EXD1: variants seen among roughly 807,000 people sequenced by gnomAD.
EXD1 encodes piRNA biogenesis protein EXD1.
In EXD1, 63 loss-of-function variants were observed where a neutral mutation model predicts 49.1. The ratio of observed to expected loss-of-function variants is 1.28; its 90% CI spans 1.05 to 1.58. The LOEUF (loss-of-function observed/expected upper bound fraction) is 1.58. Among genes scored for constraint, EXD1 ranks in the 40% most tolerant of loss-of-function variants. The pLI is 0.00. For synonymous variants in EXD1, 234 were observed against 239.2 expected (o/e 0.98, Z 0.20); for missense variants, 748 against 666.0 (o/e 1.12, Z -1.36).
intron 7 of EXD1, among the ~76,000 whole-genome samples, chr15:41,200,187 T>C (rs1014934350): frequency 6.6e-6 from 1 of 151,956 alleles, no homozygotes; most frequent in African/African-American, 2.4e-5. Context: ...TAGAAGTACA[T>C]GTGTGAGCCA....
Position 41,216,663 on chromosome 15 carries a change from T to C in EXD1, c.388+5A>G. 6.2e-7 allele frequency: 1 copy of C among 1,604,658 alleles called. No individual in the cohort carries two copies. Among genetic ancestry groups the C allele is most frequent in the Middle Eastern group, 2.0e-4 (1 of 4,892 alleles). On this transcript the variant is annotated splice_donor_5th_base_variant and intron_variant, in intron 5 of 11. Transcript: ENST00000458580. ...AAAAAGAAAATTCAGAGCCCCTATATTCACCTGATGGGCTGTACTTGAGGT... is the reference window on the plus strand; with the variant it reads ...AAAAAGAAAATTCAGAGCCCCTATACTCACCTGATGGGCTGTACTTGAGGT...
At chr15:41,208,424 T>A (rs2046869272) in intron 7 of EXD1, among the ~76,000 whole-genome samples, 1 of 139,652 alleles carries the variant, frequency 7.2e-6, no homozygotes, top group Admixed American at 7.3e-5. Flanking sequence ...AAGCTATCCA[T>A]CCTCTAGCTA....
At chr15:41,202,274 A>G (rs2046745373) in intron 7 of EXD1, among the ~76,000 whole-genome samples, 1 of 151,812 alleles carries the variant, frequency 6.6e-6, no homozygotes, top group South Asian at 2.1e-4. Flanking sequence ...TCCCGGGTTC[A>G]AGTAATTCTC....
At chr15:41,193,101 A>G (rs2046555020) in intron 9 of EXD1, among the ~76,000 whole-genome samples, 1 of 151,884 alleles carries the variant, frequency 6.6e-6, no homozygotes, top group African/African-American at 2.4e-5. Flanking sequence ...ATTTTTTTGT[A>G]GAGACAGTGT....
chr15:41,190,136 CAA>C lies in EXD1; in HGVS notation c.865-10_865-9del. Reference sequence around the variant, plus strand: ...CCATACTTCTGGATTTTCCTGGAGACAATAAAACAATTTCCTCTGAACAGTAA... The same window carrying C: ...CCATACTTCTGGATTTTCCTGGAGACTAAAACAATTTCCTCTGAACAGTAA... On this transcript the variant is annotated splice_polypyrimidine_tract_variant and intron_variant, in intron 10 of 11. Coordinates refer to ENST00000458580, the MANE Select transcript of EXD1 (RefSeq NM_001286441.2). 1.2e-6 allele frequency: 2 copies of C among 1,613,770 alleles called. No individual in the cohort carries two copies. The highest frequency in any genetic ancestry group is 1.7e-6 in the Non-Finnish European group (2 of 1,179,834).
At position 41,215,851 on chromosome 15, in the gene EXD1, C is replaced by T. The variant is rs771456397; in HGVS notation, c.389-18G>A. 1.2e-6 allele frequency: 2 copies of T among 1,611,480 alleles called. No individual in the cohort carries two copies. Among genetic ancestry groups the T allele is most frequent in the Non-Finnish European group, 8.5e-7 (1 of 1,177,944 alleles). Reference sequence around the variant, plus strand: ...CTCTTCCTCTACAAGACAAGGATTGCATTAGATATATTTCTCTTCCTCAGC... The same window carrying T: ...CTCTTCCTCTACAAGACAAGGATTGTATTAGATATATTTCTCTTCCTCAGC... On this transcript the variant is annotated intron_variant, in intron 5 of 11. Coordinates refer to ENST00000458580, the MANE Select transcript of EXD1 (RefSeq NM_001286441.2).
At chr15:41,194,466 A>C (rs529173564) in intron 9 of EXD1, among the ~76,000 whole-genome samples, 1 of 152,308 alleles carries the variant, frequency 6.6e-6, no homozygotes, top group African/African-American at 2.4e-5. Flanking sequence ...CTAGAAGCTG[A>C]AAAAGGCAAG....
chr15:41,204,655 C>T (rs1474288079), intron 7 of EXD1, among the ~76,000 whole-genome samples: 1 of 151,816 alleles, frequency 6.6e-6, no homozygotes, highest in Non-Finnish European at 1.5e-5. Flanking sequence ...CTCTTGAGCC[C>T]GGGAGTTCAA....
chr15:41,190,575 A>C (rs2046497655), intron 10 of EXD1, among the ~76,000 whole-genome samples: 1 of 152,206 alleles, frequency 6.6e-6, no homozygotes, highest in Admixed American at 6.6e-5. Flanking sequence ...CTATTTTCAC[A>C]CTATTGATAG....
At chr15:41,216,188 C>T (rs2046996360) in intron 5 of EXD1, among the ~76,000 whole-genome samples, 1 of 151,994 alleles carries the variant, frequency 6.6e-6, no homozygotes, top group South Asian at 2.1e-4. Flanking sequence ...AATATTTTAT[C>T]TTAATTCAGA....
chr15:41,190,603 G>A (rs939277481), intron 10 of EXD1, among the ~76,000 whole-genome samples: 5 of 152,070 alleles, frequency 3.3e-5, no homozygotes, highest in Non-Finnish European at 7.4e-5. Flanking sequence ...GCATACACAT[G>A]CTTGCACACA....
At chr15:41,218,743 G>A (rs1207605037) in intron 3 of EXD1, among the ~76,000 whole-genome samples, 1 of 152,082 alleles carries the variant, frequency 6.6e-6, no homozygotes, top group Non-Finnish European at 1.5e-5. Context: ...TACTATCCCT[G>A]CCATTATAAA....
rs760005212 is a variant in EXD1, at chr15:41,191,428, T to C, written c.864+14A>G. 1.4e-6 allele frequency: 2 copies of C among 1,448,300 alleles called. No homozygotes were observed. Among genetic ancestry groups the C allele is most frequent in the African/African-American group, 2.6e-5 (1 of 39,134 alleles). 89.7% of individuals were successfully genotyped at this position (1,448,300 alleles called of 1,614,324 possible). ...AAAAAAAATAATGTCATACAGGACA[T>C]CCTTTACACCCACCTGAATTAGTTT... On this transcript the variant is annotated intron_variant, in intron 10 of 11. Coordinates refer to ENST00000458580, the MANE Select transcript of EXD1 (RefSeq NM_001286441.2).
intron 3 of EXD1, among the ~76,000 whole-genome samples, chr15:41,217,373 G>T (rs900262493): frequency 1.3e-5 from 2 of 152,088 alleles, no homozygotes; most frequent in Admixed American, 6.6e-5. Context: ...AAGCTTCTTG[G>T]TTATTTAGAA....
At chr15:41,227,146 T>G (rs1179516631) in intron 1 of EXD1, among the ~76,000 whole-genome samples, 2 of 152,202 alleles carry the variant, frequency 1.3e-5, no homozygotes, top group Non-Finnish European at 2.9e-5. Flanking sequence ...AATTTACCCT[T>G]TACTTAGGAA....
chr15:41,221,558 A>G (rs2047089104), intron 2 of EXD1, among the ~76,000 whole-genome samples: 1 of 151,762 alleles, frequency 6.6e-6, no homozygotes, highest in Non-Finnish European at 1.5e-5. Context: ...TACAGGTGTG[A>G]GCCACCCTGC....
chr15:41,191,699 G>A lies in EXD1; in HGVS notation c.721-114C>T, dbSNP rs183852185. Reference sequence around the variant, plus strand: ...TAACATTTTCCCCAAGGACCCACACGATAGACCATGTCATCGGAAAATTTA... The same window carrying A: ...TAACATTTTCCCCAAGGACCCACACAATAGACCATGTCATCGGAAAATTTA... On this transcript the variant is annotated intron_variant, in intron 9 of 11. Transcript: ENST00000458580. 5.6e-3 allele frequency: 5,133 copies of A among 918,206 alleles called. 16 individuals carry two copies. The highest frequency in any genetic ancestry group is 7.2e-3 in the Non-Finnish European group (4,589 of 635,964). The allele number at this position is 918,206 out of a possible 1,614,324, so 56.9% of individuals were successfully genotyped here. A position where few individuals can be genotyped will look rare whatever the true frequency, so the allele number is the denominator to read the frequency against.
chr15:41,200,768 G>C (rs2046716040), intron 7 of EXD1, among the ~76,000 whole-genome samples: 1 of 152,118 alleles, frequency 6.6e-6, no homozygotes, highest in Non-Finnish European at 1.5e-5. Context: ...AACAGTCTCA[G>C]AATTGAATTG....
chr15:41,215,496 C>T (rs2046986031), intron 6 of EXD1, among the ~76,000 whole-genome samples: 1 of 152,024 alleles, frequency 6.6e-6, no homozygotes, highest in Non-Finnish European at 1.5e-5. Flanking sequence ...ACCATCCTGG[C>T]TAACACGGTG....
Sources: gnomAD v4.1 joint callset for allele counts (sites outside exome capture counted in the v4.1 genomes callset) on GRCh38, gnomAD v4.1.1 for gene constraint, MANE v1.5 for transcripts, NCBI Gene and HGNC (gene_info 2026-07-23, HGNC 2026-07-21) for gene names.